Variants in AGBL1 observed in about 807,000 individuals in gnomAD.
AGBL1 encodes the protein cytosolic carboxypeptidase 4.
In AGBL1, 130 loss-of-function variants were observed where a neutral mutation model predicts 118.9. The ratio of observed to expected loss-of-function variants is 1.09; its 90% CI spans 0.95 to 1.26. The LOEUF (loss-of-function observed/expected upper bound fraction) is 1.26. Among genes scored for constraint, AGBL1 ranks in the 50% most tolerant of loss-of-function variants. The probability of loss-of-function intolerance (pLI) is 0.00; values close to 1 mark genes in which losing one functional copy is unlikely to be tolerated. For synonymous variants in AGBL1, 555 were observed against 478.9 expected (o/e 1.16, Z -2.08); for missense variants, 1,584 against 1,298.1 (o/e 1.22, Z -3.38).
intron 1 of AGBL1, among the ~76,000 whole-genome samples, chr15:86,132,800 C>T (rs1034619427): frequency 1.6e-4 from 25 of 152,316 alleles, no homozygotes; most frequent in Middle Eastern, 3.4e-3. Context: ...CAATCTCACC[C>T]TCTTGAGATG....
chr15:86,735,602 CTGTGTGTGTGTGTGTGTGTGTG>C (rs35147328), intron 22 of AGBL1, among the ~76,000 whole-genome samples: 1 of 141,916 alleles, frequency 7.0e-6, no homozygotes, highest in African/African-American at 2.7e-5. Flanking sequence ...GAGATACAGA[CTGTGTGTGTGTGTGTGTGTGTG>C]TGTGTGTGTG....
At chr15:86,402,181 T>G (rs1410675281) in intron 18 of AGBL1, among the ~76,000 whole-genome samples, 1 of 151,768 alleles carries the variant, frequency 6.6e-6, no homozygotes, top group Non-Finnish European at 1.5e-5. Flanking sequence ...TTAAGTGTAT[T>G]TCTAGGTTAT....
At chr15:86,428,413 CTTA>C (rs2081893292) in intron 18 of AGBL1, among the ~76,000 whole-genome samples, 1 of 152,216 alleles carries the variant, frequency 6.6e-6, no homozygotes. Flanking sequence ...TACACATCTT[CTTA>C]TTGATAGTCC....
intron 18 of AGBL1, among the ~76,000 whole-genome samples, chr15:86,442,939 G>T (rs1272462129): frequency 6.6e-6 from 1 of 152,224 alleles, no homozygotes; most frequent in Non-Finnish European, 1.5e-5. Context: ...CCCTGCTCCT[G>T]CCCGCAAGGC....
chr15:86,628,775 G>A (rs2084924464), intron 21 of AGBL1, among the ~76,000 whole-genome samples: 1 of 152,032 alleles, frequency 6.6e-6, no homozygotes, highest in African/African-American at 2.4e-5. Flanking sequence ...CAGCCTGGGA[G>A]ACAGTGAGAC....
chr15:86,337,833 A>C (rs565707167), intron 17 of AGBL1, among the ~76,000 whole-genome samples: 49 of 152,342 alleles, frequency 3.2e-4, no homozygotes, highest in Admixed American at 1.4e-3. Context: ...ACAAACCTGC[A>C]CATCTTGCAC....
At chr15:86,973,326 T>C (rs966231537) in intron 23 of AGBL1, among the ~76,000 whole-genome samples, 1 of 152,066 alleles carries the variant, frequency 6.6e-6, no homozygotes, top group Admixed American at 6.6e-5. Flanking sequence ...TTTTGTGACT[T>C]AAAATTGCTA....
intron 17 of AGBL1, among the ~76,000 whole-genome samples, chr15:86,352,101 A>G (rs1435819026): frequency 6.6e-6 from 1 of 152,170 alleles, no homozygotes; most frequent in African/African-American, 2.4e-5. Flanking sequence ...GCTGTTTCTG[A>G]GTAGCTAGGC....
intron 22 of AGBL1, among the ~76,000 whole-genome samples, chr15:86,679,569 G>T (rs578246088): frequency 6.6e-6 from 1 of 151,934 alleles, no homozygotes; most frequent in South Asian, 2.1e-4. Flanking sequence ...TTATGATCTG[G>T]GCTAGAGTTT....
intron 7 of AGBL1, among the ~76,000 whole-genome samples, chr15:86,254,277 A>G (rs1346339107): frequency 2.6e-5 from 4 of 152,254 alleles, no homozygotes; most frequent in Non-Finnish European, 4.4e-5. Context: ...ACTTTAATGC[A>G]TTTAATTCAC....
chr15:86,869,650 T>C (rs1241153790), intron 22 of AGBL1, among the ~76,000 whole-genome samples: 1 of 152,072 alleles, frequency 6.6e-6, no homozygotes, highest in Non-Finnish European at 1.5e-5. Flanking sequence ...TTGACTTGAT[T>C]CTAGACAAAT....
chr15:87,024,333 T>TAACACCACAGAAATAAAAAAGATCATTC (rs2081702147), intron 24 of AGBL1, among the ~76,000 whole-genome samples: 1 of 151,736 alleles, frequency 6.6e-6, no homozygotes, highest in Non-Finnish European at 1.5e-5. Flanking sequence ...AAAGATCATT[T>TAACACCACAGAAATAAAAAAGATCATTC]AAGGCTACTA....
At chr15:86,894,444 TGGAGCTTTA>T (rs2080094264) in intron 22 of AGBL1, among the ~76,000 whole-genome samples, 1 of 152,142 alleles carries the variant, frequency 6.6e-6, no homozygotes, top group Non-Finnish European at 1.5e-5. Context: ...TGCATGACGT[TGGAGCTTTA>T]TTTTAGAAGC....
intron 22 of AGBL1, among the ~76,000 whole-genome samples, chr15:86,729,420 A>C (rs1478067771): frequency 6.6e-6 from 1 of 152,036 alleles, no homozygotes; most frequent in Non-Finnish European, 1.5e-5. Context: ...TAGTTTTTCA[A>C]CCTACCCTGC....
chr15:86,232,069 G>A (rs2078464964), intron 6 of AGBL1, among the ~76,000 whole-genome samples: 1 of 152,166 alleles, frequency 6.6e-6, no homozygotes, highest in African/African-American at 2.4e-5. Flanking sequence ...GAGAGAGGAA[G>A]GAAGCAGGAA....
intron 18 of AGBL1, among the ~76,000 whole-genome samples, chr15:86,407,903 C>T (rs2081553327): frequency 6.6e-6 from 1 of 152,020 alleles, no homozygotes; most frequent in Non-Finnish European, 1.5e-5. Context: ...ATGCACATTC[C>T]CTGTATGCCT....
At chr15:86,522,391 CAG>C (rs2142200202) in intron 18 of AGBL1, among the ~76,000 whole-genome samples, 1 of 152,224 alleles carries the variant, frequency 6.6e-6, no homozygotes, top group Non-Finnish European at 1.5e-5. Flanking sequence ...GTCTACCTTG[CAG>C]AGTTATTGAA....
At chr15:86,330,946 G>A (rs372801713) in intron 17 of AGBL1, among the ~76,000 whole-genome samples, 16 of 152,176 alleles carry the variant, frequency 1.1e-4, no homozygotes, top group African/African-American at 3.6e-4. Context: ...AATGAGCAGG[G>A]AAGATGCGGT....
intron 5 of AGBL1, among the ~76,000 whole-genome samples, chr15:86,176,695 T>C (rs1321654734): frequency 6.6e-6 from 1 of 152,130 alleles, no homozygotes; most frequent in Non-Finnish European, 1.5e-5. Context: ...GGGCCTGGGC[T>C]CTTAAAATGG....
Sources: gnomAD v4.1 joint callset for allele counts (sites outside exome capture counted in the v4.1 genomes callset) on GRCh38, gnomAD v4.1.1 for gene constraint, MANE v1.5 for transcripts, NCBI Gene and HGNC (gene_info 2026-07-23, HGNC 2026-07-21) for gene names.